Variants in DLEC1 observed in about 807,000 individuals in gnomAD.
DLEC1 encodes the protein deleted in lung and esophageal cancer protein 1.
DLEC1 carries 146 observed loss-of-function variants against 198.1 expected under a neutral mutation model. The observed-to-expected ratio is 0.74, with a 90% CI of 0.64 to 0.85. DLEC1 has a LOEUF of 0.85. DLEC1 is among the 40% of genes least tolerant of loss of function. The pLI, the probability that DLEC1 is intolerant of heterozygous loss-of-function variation, is 0.00. For missense variants in DLEC1, 2,233 were observed against 2,220.0 expected (o/e 1.01, Z -0.12); for synonymous variants, 897 against 866.8 (o/e 1.03, Z -0.61).
In DLEC1 at chr3:38,122,167, T is replaced by A. The variant is rs745876712; in HGVS notation, c.5117T>A (p.Ile1706Asn). Reference protein sequence around the residue: ...ARSANAPPTSIALQVFFTARS... With the variant: ...ARSANAPPTSNALQVFFTARS... ...TCCGCCAATGCACCCCCAACCTCCA[T>A]CGCCTTGCAGGTTTTCTTCACTGCC... Residue 1706 changes from isoleucine to asparagine, a missense_variant, in exon 36 of 37, where the codon ATC becomes AAC. Transcript: ENST00000308059. 7.4e-6 allele frequency: 12 copies of A among 1,613,956 alleles called. No individual in the cohort carries two copies. Among genetic ancestry groups the A allele is most frequent in the Non-Finnish European group, 9.3e-6 (11 of 1,179,982 alleles).
intron 2 of DLEC1, among the ~76,000 whole-genome samples, chr3:38,047,309 T>C (rs987928918): frequency 3.9e-5 from 6 of 152,226 alleles, no homozygotes; most frequent in African/African-American, 1.4e-4. Context: ...AATTATGGTA[T>C]ATCCACACTA....
intron 6 of DLEC1, among the ~76,000 whole-genome samples, chr3:38,075,274 G>A (rs907814543): frequency 6.6e-6 from 1 of 152,124 alleles, no homozygotes; most frequent in Non-Finnish European, 1.5e-5. Context: ...TGGACGTAAG[G>A]CACCTCAGAC....
At chr3:38,044,276 A>C (rs997620380) in intron 1 of DLEC1, among the ~76,000 whole-genome samples, 1 of 152,032 alleles carries the variant, frequency 6.6e-6, no homozygotes, top group Admixed American at 6.6e-5. Context: ...AAGGAAAATA[A>C]GACTGGGCGC....
chr3:38,088,700 GTC>G (rs1347825703), intron 10 of DLEC1, among the ~76,000 whole-genome samples: 3 of 152,184 alleles, frequency 2.0e-5, no homozygotes, highest in Non-Finnish European at 2.9e-5. Flanking sequence ...TGGTTCTTCA[GTC>G]TCTCTTGGGT....
At position 38,084,173 on chromosome 3, in the gene DLEC1, C is replaced by T. The variant is rs780696598; in HGVS notation, c.1189C>T (p.Gln397Ter). Residue 397 changes from glutamine (Q) to a stop codon, truncating the protein, a stop_gained, in exon 7 of 37, where the codon CAG becomes TAG. Transcript: ENST00000308059. LOFTEE classifies it high-confidence loss of function. ...GPVYEMVIALQNTTTTSRYLR... is the reference protein window; with the variant it reads ...GPVYEMVIAL Reference sequence around the variant, plus strand: ...CTTTCAACAGATGGTAATTGCGCTGCAGAACACCACCACGACCAGCCGCTA... The same window carrying T: ...CTTTCAACAGATGGTAATTGCGCTGTAGAACACCACCACGACCAGCCGCTA... The T allele has an allele frequency of 1.2e-6, 2 of 1,613,018 alleles. No individual in the cohort carries two copies. Among genetic ancestry groups the T allele is most frequent in the Non-Finnish European group, 1.7e-6 (2 of 1,179,286 alleles).
At chr3:38,043,009 C>T (rs528358172) in intron 1 of DLEC1, among the ~76,000 whole-genome samples, 2 of 152,248 alleles carry the variant, frequency 1.3e-5, no homozygotes, top group African/African-American at 4.8e-5. Flanking sequence ...ATCACTATTC[C>T]GTATGAGTGT....
chr3:38,085,867 C>G (rs941254379), intron 8 of DLEC1, among the ~76,000 whole-genome samples: 6 of 152,154 alleles, frequency 3.9e-5, no homozygotes, highest in African/African-American at 7.2e-5. Context: ...GCTGGGCTCC[C>G]TCAGCGACAA....
At chr3:38,068,839 A>G (rs891963239) in intron 6 of DLEC1, among the ~76,000 whole-genome samples, 3 of 152,238 alleles carry the variant, frequency 2.0e-5, no homozygotes, top group African/African-American at 7.2e-5. Context: ...AGGCAGGGAA[A>G]GGAATCACCT....
chr3:38,095,167 C>T (rs558775356), intron 13 of DLEC1, 96 bp downstream of exon 13: 151 of 1,475,602 alleles, frequency 1.0e-4, no homozygotes, highest in Non-Finnish European at 1.2e-4. Context: ...CACAGCTGGG[C>T]CCACCGAGGT....
rs764469198 is a variant in DLEC1 at position 38,107,676 on chromosome 3, C to T, written c.2957C>T (p.Thr986Met). 21 of 1,614,010 alleles carry T rather than the reference C, an allele frequency of 1.3e-5. 1 individual carries two copies. Among genetic ancestry groups the T allele is most frequent in the South Asian group, 7.7e-5 (7 of 91,076 alleles). The change falls in exon 20 of 37, where the codon ACG becomes ATG. Residue 986 changes from threonine to methionine, a missense_variant. Thr to Met is a moderately conservative substitution (Grantham distance 81). Coordinates refer to ENST00000308059, the MANE Select transcript of DLEC1 (RefSeq NM_007335.4). ...AGAAATCTCTACCTGGGTGTGCCCA[C>T]GAAGACAACCATCACACTTATCAAT... Reference protein sequence around the residue: ...EVRNLYLGVPTKTTITLINGT... With the variant: ...EVRNLYLGVPMKTTITLINGT...
chr3:38,051,291 G>C (rs753317124), intron 2 of DLEC1, among the ~76,000 whole-genome samples: 3 of 152,246 alleles, frequency 2.0e-5, no homozygotes, highest in Non-Finnish European at 4.4e-5. Context: ...GCTGGTGACA[G>C]CCGGGACTGA....
chr3:38,062,832 A>G (rs573062719), intron 5 of DLEC1, 31 bp downstream of exon 5: 1 of 1,607,954 alleles, frequency 6.2e-7, no homozygotes, highest in South Asian at 1.1e-5. Flanking sequence ...AACTCTCAGA[A>G]AACCTGGCCC....
intron 26 of DLEC1, 100 bp downstream of exon 26, chr3:38,114,560 G>GC: frequency 1.6e-6 from 2 of 1,230,592 alleles, no homozygotes; most frequent in Non-Finnish European, 2.4e-6. Flanking sequence ...TCTCCAGCTG[G>GC]CCTAGGGCCA....
At chr3:38,078,885 G>C (rs528789901) in intron 6 of DLEC1, among the ~76,000 whole-genome samples, 2 of 152,342 alleles carry the variant, frequency 1.3e-5, no homozygotes, top group East Asian at 3.9e-4. Flanking sequence ...GAACTAACTT[G>C]TAAGGCTTGT....
chr3:38,094,905 A>C lies in DLEC1; in HGVS notation c.1946A>C (p.Gln649Pro). The change falls in exon 13 of 37, where the codon CAG becomes CCG. Residue 649 changes from glutamine (Q) to proline (P), a missense_variant. Transcript: ENST00000308059. ...ATHVELAFYWQIMKPNLQPLM... is the reference protein window; with the variant it reads ...ATHVELAFYWPIMKPNLQPLM... ...CACGTGGAGCTGGCCTTCTACTGGC[A>C]GATCATGAAGCCCAACCTGCAGCCC... 2 of 1,614,170 alleles carry C rather than the reference A, an allele frequency of 1.2e-6. No individual in the cohort carries two copies. Among genetic ancestry groups the C allele is most frequent in the Non-Finnish European group, 1.7e-6 (2 of 1,180,010 alleles).
At chr3:38,114,555 A>T in intron 26 of DLEC1, 95 bp downstream of exon 26, 1 of 1,288,420 alleles carries the variant, frequency 7.8e-7, no homozygotes, top group Non-Finnish European at 1.1e-6. Context: ...GTTATTCTCC[A>T]GCTGGCCTAG....
At chr3:38,082,698 G>A (rs1181175300) in intron 6 of DLEC1, among the ~76,000 whole-genome samples, 1 of 151,976 alleles carries the variant, frequency 6.6e-6, no homozygotes, top group Non-Finnish European at 1.5e-5. Flanking sequence ...TAGAGACTCA[G>A]AAGGGGTTGG....
intron 19 of DLEC1, among the ~76,000 whole-genome samples, chr3:38,101,209 G>T (rs1456616411): frequency 6.6e-6 from 1 of 152,124 alleles, no homozygotes; most frequent in East Asian, 1.9e-4. Context: ...TGTAATCCCA[G>T]CACTTTGGGA....
At chr3:38,045,866 T>C (rs190009674) in intron 2 of DLEC1, among the ~76,000 whole-genome samples, 173 bp downstream of exon 2, 24 of 152,330 alleles carry the variant, frequency 1.6e-4, no homozygotes, top group African/African-American at 5.5e-4. Context: ...AAAACACTTC[T>C]GTATGTGTAT....
Sources: allele counts gnomAD v4.1 joint callset (sites outside exome capture counted in the v4.1 genomes callset), GRCh38; gene constraint gnomAD v4.1.1; transcripts MANE v1.5; gene names NCBI Gene and HGNC (gene_info 2026-07-23, HGNC 2026-07-21).